The following ALG12 variants were observed in gnomAD, a reference collection of about 807,000 sequenced individuals.
ALG12 encodes dol-P-Man:Man(7)GlcNAc(2)-PP-Dol alpha-1,6-mannosyltransferase.
ALG12 carries 36 observed loss-of-function variants against 46.0 expected under a neutral mutation model. The ratio of observed to expected loss-of-function variants is 0.78; its 90% CI spans 0.60 to 1.03. The LOEUF (loss-of-function observed/expected upper bound fraction) is 1.03. Ranked by LOEUF, ALG12 falls within the 50% of genes least tolerant of loss-of-function variation. ALG12 has a pLI of 0.00. For synonymous variants in ALG12, 326 were observed against 291.6 expected, an observed-to-expected ratio of 1.12 and a Z score of -1.20; for missense variants, 599 against 633.5, an observed-to-expected ratio of 0.95 and a Z score of 0.58.
the ALG12 span, chr22:49,887,252 G>A: frequency 2.1e-5 from 31 of 1,479,484 alleles, no homozygotes; most frequent in East Asian, 6.8e-5. Flanking sequence ...TCTATGACCC[G>A]CTCTGCCCAC....
At chr22:49,884,726 C>T in the ALG12 span, 2 of 1,594,254 alleles carry the variant, frequency 1.3e-6, no homozygotes, top group Non-Finnish European at 1.7e-6. Context: ...TACTCCACCC[C>T]TCCCACTCTG....
the ALG12 span, among the ~76,000 whole-genome samples, chr22:49,894,199 G>A: frequency 2.0e-5 from 3 of 152,124 alleles, no homozygotes; most frequent in East Asian, 3.8e-4. Flanking sequence ...GACATCAGAC[G>A]TGATCTCTAG....
chr22:49,871,909 C>G, the ALG12 span, among the ~76,000 whole-genome samples: 1 of 151,910 alleles, frequency 6.6e-6, no homozygotes, highest in Non-Finnish European at 1.5e-5. Context: ...ACATGCCCAG[C>G]TAATTTTTGT....
the ALG12 span, among the ~76,000 whole-genome samples, chr22:49,869,071 C>T: frequency 1.8e-4 from 27 of 147,388 alleles, no homozygotes; most frequent in African/African-American, 6.6e-4. Context: ...TTGGGTGAGT[C>T]GAGATCATGC....
rs757077454 is a variant in ALG12, at chr22:49,909,938, A to C, written c.620T>G (p.Val207Gly). 2 of 1,614,136 alleles carry C rather than the reference A, an allele frequency of 1.2e-6. No individual in the cohort carries two copies. The highest frequency in any genetic ancestry group is 1.7e-6 in the Non-Finnish European group (2 of 1,180,012). Residue 207 changes from valine to glycine, a missense_variant, in exon 5 of 10, where the codon GTC (valine) becomes GGC (glycine). Physicochemically the swap from Val to Gly is moderately radical, Grantham distance 109. Transcript: ENST00000330817. Reference protein sequence around the residue: ...LALGNRKVSVVRALRHAVPAG... With the variant: ...LALGNRKVSVGRALRHAVPAG... ...CGGGACGGCGTGGCGAAGGGCTCTG[A>C]CTACAGAAACCTTTCGGTTGCCCAA...
At chr22:49,883,585 T>C in the ALG12 span, 3 of 1,435,864 alleles carry the variant, frequency 2.1e-6, no homozygotes, top group Admixed American at 2.4e-5. Context: ...GAAGATAATC[T>C]ACATTCGGGG....
the ALG12 span, chr22:49,885,983 AG>A: frequency 1.4e-6 from 1 of 699,628 alleles, no homozygotes; most frequent in Non-Finnish European, 2.6e-6. Flanking sequence ...GACGTGTCGC[AG>A]GTGGACTGCG....
chr22:49,877,661 A>C, the ALG12 span, among the ~76,000 whole-genome samples: 2 of 152,188 alleles, frequency 1.3e-5, no homozygotes, highest in African/African-American at 2.4e-5. Flanking sequence ...TAATCTGATA[A>C]ATATATATCC....
At chr22:49,880,142 T>C in the ALG12 span, among the ~76,000 whole-genome samples, 25,392 of 152,060 alleles carry the variant, frequency 0.17, 5,335 homozygotes, top group African/African-American at 0.5. Flanking sequence ...GCGTTTAAGC[T>C]GTGTTCGGGT....
chr22:49,898,752 TTC>T (rs201732643), downstream of ALG12, among the ~76,000 whole-genome samples: 1,480 of 152,260 alleles, frequency 9.7e-3, 14 homozygotes, highest in South Asian at 0.067. Flanking sequence ...AGTATTTTCT[TTC>T]TCTTTCTTTT....
the ALG12 span, among the ~76,000 whole-genome samples, chr22:49,867,952 C>T: frequency 6.6e-6 from 1 of 152,200 alleles, no homozygotes; most frequent in African/African-American, 2.4e-5. Context: ...TTGAATATCT[C>T]ATGTAAGAGT....
At chr22:49,904,943 T>C (rs1309979526) in intron 7 of ALG12, among the ~76,000 whole-genome samples, 1 of 152,156 alleles carries the variant, frequency 6.6e-6, no homozygotes. Context: ...TTTCACTATG[T>C]TGGCCAGGCT....
chr22:49,881,148 C>G, the ALG12 span, among the ~76,000 whole-genome samples: 1 of 152,102 alleles, frequency 6.6e-6, no homozygotes, highest in Non-Finnish European at 1.5e-5. Context: ...GAGTTCAAGA[C>G]CAGCCTGGCC....
the ALG12 span, among the ~76,000 whole-genome samples, chr22:49,873,365 C>T: frequency 1.3e-5 from 2 of 152,202 alleles, no homozygotes; most frequent in East Asian, 1.9e-4. Context: ...GGGAGAGAGA[C>T]GGGGAACTGC....
the ALG12 span, chr22:49,884,446 C>T: frequency 6.2e-7 from 1 of 1,614,226 alleles, no homozygotes; most frequent in Non-Finnish European, 8.5e-7. Context: ...CCCTGCTCTC[C>T]ATTACGATGA....
At chr22:49,871,759 T>TTTA in the ALG12 span, among the ~76,000 whole-genome samples, 201 of 15,140 alleles carry the variant, frequency 0.013, 2 homozygotes, top group Admixed American at 0.041. Context: ...ATTTATTTAT[T>TTTA]TTTTTTTTTT....
the ALG12 span, among the ~76,000 whole-genome samples, chr22:49,892,098 G>A: frequency 6.9e-6 from 1 of 145,050 alleles, no homozygotes; most frequent in East Asian, 2.1e-4. Context: ...TGAGGCAGGA[G>A]AATGGCGTGA....
At chr22:49,893,412 A>C in the ALG12 span, among the ~76,000 whole-genome samples, 1 of 152,218 alleles carries the variant, frequency 6.6e-6, no homozygotes, top group Non-Finnish European at 1.5e-5. Flanking sequence ...CCTTAAGCAG[A>C]GGGAGGGAGG....
the ALG12 span, chr22:49,884,580 C>G: frequency 1.2e-6 from 2 of 1,612,358 alleles, no homozygotes; most frequent in Non-Finnish European, 1.7e-6. Flanking sequence ...AAGCTGTCTG[C>G]ATTCACTGCA....
Sources: gnomAD v4.1 joint callset for allele counts (sites outside exome capture counted in the v4.1 genomes callset) on GRCh38, gnomAD v4.1.1 for gene constraint, MANE v1.5 for transcripts, NCBI Gene and HGNC (gene_info 2026-07-23, HGNC 2026-07-21) for gene names.